Variants in PLPPR5 observed in about 807,000 individuals in gnomAD.
The protein encoded by PLPPR5 is phospholipid phosphatase-related protein type 5.
A neutral mutation model predicts 33.9 loss-of-function variants in PLPPR5; 16 were observed. The ratio of observed to expected loss-of-function variants is 0.47; its 90% CI spans 0.32 to 0.72. The LOEUF is 0.72. Ranked by LOEUF, PLPPR5 falls within the 30% of genes least tolerant of loss-of-function variation. PLPPR5 has a pLI of 0.03. For missense variants in PLPPR5, 301 were observed against 406.7 expected (o/e 0.74, Z 2.23); for synonymous variants, 163 against 150.3 (o/e 1.08, Z -0.62).
intron 1 of PLPPR5, among the ~76,000 whole-genome samples, chr1:98,974,217 G>C (rs1651765417): frequency 6.6e-6 from 1 of 152,034 alleles, no homozygotes; most frequent in African/African-American, 2.4e-5. Flanking sequence ...ATGAAAACCA[G>C]AGGGGACAGA....
intron 1 of PLPPR5, among the ~76,000 whole-genome samples, chr1:98,974,095 G>A (rs941886960): frequency 2.0e-5 from 3 of 151,924 alleles, no homozygotes; most frequent in Non-Finnish European, 4.4e-5. Context: ...GGAAAGGAAG[G>A]CTCCAAAGTC....
chr1:99,000,029 C>T (rs539042636), intron 1 of PLPPR5, among the ~76,000 whole-genome samples: 3 of 152,204 alleles, frequency 2.0e-5, no homozygotes, highest in South Asian at 4.1e-4. Flanking sequence ...TAGCTGCTAG[C>T]GGCCACTGTA....
At chr1:98,898,740 G>C (rs1000084363) in intron 5 of PLPPR5, among the ~76,000 whole-genome samples, 1 of 152,158 alleles carries the variant, frequency 6.6e-6, no homozygotes, top group African/African-American at 2.4e-5. Flanking sequence ...CTTGGGAAAG[G>C]TGACTTTTTT....
chr1:98,938,977 G>A (rs766093112), intron 3 of PLPPR5, among the ~76,000 whole-genome samples: 12 of 152,118 alleles, frequency 7.9e-5, no homozygotes, highest in Non-Finnish European at 1.6e-4. Flanking sequence ...CTATTGGAGA[G>A]TGGAGGGTGG....
intron 1 of PLPPR5, among the ~76,000 whole-genome samples, chr1:99,003,568 T>C (rs1181058123): frequency 1.3e-5 from 2 of 152,188 alleles, no homozygotes; most frequent in Non-Finnish European, 2.9e-5. Flanking sequence ...TATTCACATA[T>C]GTAAATTACT....
intron 1 of PLPPR5, among the ~76,000 whole-genome samples, chr1:98,999,738 C>T (rs1003769675): frequency 6.6e-6 from 1 of 152,188 alleles, no homozygotes; most frequent in African/African-American, 2.4e-5. Flanking sequence ...AGATGACTTT[C>T]TATCATCTAT....
intron 3 of PLPPR5, among the ~76,000 whole-genome samples, chr1:98,948,113 T>C (rs1480300502): frequency 6.6e-6 from 1 of 152,192 alleles, no homozygotes; most frequent in Non-Finnish European, 1.5e-5. Flanking sequence ...TGAAATCACC[T>C]GCTACAAGTA....
intron 3 of PLPPR5, among the ~76,000 whole-genome samples, chr1:98,947,187 C>A (rs530907581): frequency 1.3e-5 from 2 of 152,112 alleles, no homozygotes; most frequent in Non-Finnish European, 2.9e-5. Flanking sequence ...TATATTTATC[C>A]ATCATAAGCC....
intron 3 of PLPPR5, among the ~76,000 whole-genome samples, chr1:98,930,760 T>C (rs1649932484): frequency 6.6e-6 from 1 of 152,102 alleles, no homozygotes; most frequent in Non-Finnish European, 1.5e-5. Context: ...GGGGAGAAAT[T>C]TTCCAGGTTG....
intron 1 of PLPPR5, among the ~76,000 whole-genome samples, chr1:98,972,218 A>G (rs1651686640): frequency 6.6e-6 from 1 of 152,122 alleles, no homozygotes; most frequent in African/African-American, 2.4e-5. Context: ...GTCACATTTC[A>G]CAGCTGGCAG....
intron 5 of PLPPR5, among the ~76,000 whole-genome samples, chr1:98,900,828 C>G (rs1294509461): frequency 6.6e-6 from 1 of 152,066 alleles, no homozygotes; most frequent in African/African-American, 2.4e-5. Flanking sequence ...CACAAAGAGG[C>G]ACCACTGATA....
At chr1:98,984,808 T>C (rs949885543) in intron 1 of PLPPR5, among the ~76,000 whole-genome samples, 4 of 151,962 alleles carry the variant, frequency 2.6e-5, no homozygotes, top group Non-Finnish European at 5.9e-5. Context: ...GAGGTATCCA[T>C]GCTGAGTCCA....
chr1:98,995,989 A>T (rs951762404), intron 1 of PLPPR5, among the ~76,000 whole-genome samples: 3 of 151,894 alleles, frequency 2.0e-5, no homozygotes, highest in Admixed American at 6.6e-5. Flanking sequence ...CTAGTTATGG[A>T]AATGTAAATA....
intron 1 of PLPPR5, among the ~76,000 whole-genome samples, chr1:98,968,936 T>C (rs1651549411): frequency 6.6e-6 from 1 of 152,070 alleles, no homozygotes; most frequent in Non-Finnish European, 1.5e-5. Flanking sequence ...ATTTGATTAT[T>C]TTGCTTCATT....
intron 3 of PLPPR5, among the ~76,000 whole-genome samples, chr1:98,938,309 T>C (rs1437060057): frequency 6.6e-6 from 1 of 151,528 alleles, no homozygotes; most frequent in Non-Finnish European, 1.5e-5. Flanking sequence ...CAAAGTATAG[T>C]ATTTTATTTG....
At position 98,923,210 on chromosome 1, in the gene PLPPR5, A is replaced by G. The variant is rs555648975; in HGVS notation, c.622-1152T>C. Among the ~76,000 whole-genome samples the G allele has an allele frequency of 3.3e-5, 5 of 152,362 alleles. 1 individual carries two copies. In the South Asian group the frequency reaches 1.0e-3, roughly 32 times the overall value. On this transcript the variant is annotated intron_variant, in intron 3 of 5. Coordinates refer to ENST00000263177, the MANE Select transcript of PLPPR5 (RefSeq NM_001037317.2). ...AATGTATTCTATAGCTCAACTGCTC[A>G]TAAGTTTATGTATTATTTTATAAGC...
Position 98,926,511 on chromosome 1 carries a change from T to C in PLPPR5, c.622-4453A>G, listed in dbSNP as rs551523171. 2.8e-4 allele frequency among the ~76,000 whole-genome samples: 42 copies of C among 151,020 alleles called. No homozygotes were observed. In the South Asian group the frequency reaches 8.4e-3, roughly 30 times the overall value. On this transcript the variant is annotated intron_variant, in intron 3 of 5. Coordinates refer to ENST00000263177, the MANE Select transcript of PLPPR5 (RefSeq NM_001037317.2). ...GTGTGTGTGTGTTTTAATAACTTCA[T>C]AGCATTATTGGTCAAACTGTGTTTG...
intron 5 of PLPPR5, among the ~76,000 whole-genome samples, chr1:98,899,251 T>C (rs944656039): frequency 2.0e-5 from 3 of 152,154 alleles, no homozygotes; most frequent in Non-Finnish European, 4.4e-5. Context: ...TGACTCCACA[T>C]CCGGATCACC....
At chr1:98,945,348 C>T (rs142865498) in intron 3 of PLPPR5, among the ~76,000 whole-genome samples, 5 of 152,330 alleles carry the variant, frequency 3.3e-5, no homozygotes, top group African/African-American at 9.6e-5. Flanking sequence ...GGAGCACACA[C>T]GTTTTCAACT....
Sources: allele counts gnomAD v4.1 joint callset (sites outside exome capture counted in the v4.1 genomes callset), GRCh38; gene constraint gnomAD v4.1.1; transcripts MANE v1.5; gene names NCBI Gene and HGNC (gene_info 2026-07-23, HGNC 2026-07-21).